CLDN18: variants seen among roughly 807,000 people sequenced by gnomAD.
CLDN18 encodes the protein claudin 18.
CLDN18 carries 20 observed loss-of-function variants against 25.0 expected under a neutral mutation model. The observed-to-expected ratio is 0.80, with a 90% CI of 0.56 to 1.16. The LOEUF (loss-of-function observed/expected upper bound fraction) is 1.16, where lower values mean the gene tolerates loss of function less well. CLDN18 is among the 50% of genes most tolerant of loss of function. The pLI is 0.00. For synonymous variants in CLDN18, 125 were observed against 135.6 expected (o/e 0.92, Z 0.54); for missense variants, 297 against 345.4 (o/e 0.86, Z 1.11).
rs748956270 is a variant in CLDN18 at position 138,010,214 on chromosome 3, G to T, written c.-12G>T. The T allele has an allele frequency of 5.0e-6, 8 of 1,609,546 alleles. No individual in the cohort carries two copies. The East Asian group carries it at 1.8e-4, about 36-fold the overall frequency. ...CAGCTTCTCGCAGGCGGCAGGGCGG[G>T]CGGCCAGGATCATGTCCACCACCAC... On this transcript the variant is annotated 5_prime_UTR_variant, in exon 1 of 5. Transcript: ENST00000183605.
At chr3:138,029,967 T>C (rs1942368181) in intron 4 of CLDN18, 60 bp downstream of exon 4, 2 of 1,096,168 alleles carry the variant, frequency 1.8e-6, no homozygotes, top group Non-Finnish European at 2.7e-6. Context: ...TATTTTAATG[T>C]ATAACTTGCA....
chr3:138,009,953 T>C, upstream of CLDN18: 1 of 445,556 alleles, frequency 2.2e-6, no homozygotes. Flanking sequence ...CAGGGAGTCC[T>C]TCTGCTCCCT....
intron 1 of CLDN18, among the ~76,000 whole-genome samples, chr3:138,021,995 C>A (rs1400048070): frequency 6.6e-6 from 1 of 152,140 alleles, no homozygotes; most frequent in African/African-American, 2.4e-5. Flanking sequence ...GCTGGGATAG[C>A]ACCTGAAACC....
chr3:138,023,919 C>G (rs1942297090), intron 2 of CLDN18, 97 bp downstream of exon 2: 1 of 1,218,776 alleles, frequency 8.2e-7, no homozygotes, highest in African/African-American at 1.5e-5. Context: ...GAATGTGGTT[C>G]AGAACTTTTC....
rs150154800 is a variant in CLDN18 at position 138,033,483 on chromosome 3, G to A, written c.*2342G>A. The A allele has an allele frequency of 2.6e-5, 4 of 152,320 alleles. No homozygotes were observed. The highest frequency in any genetic ancestry group is 7.2e-5 in the African/African-American group (3 of 41,574). The allele number at this position is 152,320 out of a possible 1,614,324, so 9.4% of individuals were successfully genotyped here. A position where few individuals can be genotyped will look rare whatever the true frequency, so the allele number is the denominator to read the frequency against. On this transcript the variant is annotated 3_prime_UTR_variant, in exon 5 of 5. Transcript: ENST00000183605. ...AGGTAGTGCGGTGTGGCTCAGCTGG[G>A]TTTTTAATTAGCGCATTCTCTATCC...
chr3:138,010,241 T>C lies in CLDN18; in HGVS notation c.16T>C (p.Cys6Arg), dbSNP rs775529414. The C allele has an allele frequency of 1.9e-6, 3 of 1,613,260 alleles. No individual in the cohort carries two copies. Among genetic ancestry groups the C allele is most frequent in the Non-Finnish European group, 2.5e-6 (3 of 1,179,780 alleles). MSTTTCQVVAFLLSIL... is the reference protein window; with the variant it reads MSTTTRQVVAFLLSIL... ...GGCCAGGATCATGTCCACCACCACA[T>C]GCCAAGTGGTGGCGTTCCTCCTGTC... Residue 6 changes from cysteine to arginine, a missense_variant, in exon 1 of 5, where the codon TGC becomes CGC. By Grantham distance (180) the Cys-to-Arg change is radical. Transcript: ENST00000183605.
In CLDN18 at chr3:138,010,378, G is replaced by T. The variant is rs768188619; in HGVS notation, c.153G>T (p.Arg51Ser). The T allele has an allele frequency of 3.5e-5, 56 of 1,614,104 alleles. No individual in the cohort carries two copies. Among genetic ancestry groups the T allele is most frequent in the Non-Finnish European group, 4.7e-5 (55 of 1,180,042 alleles). ...TSVFQYEGLW[R>S]SCVRQSSGFT... is the part of the protein sequence containing the mutation. ...TGTTCCAGTACGAAGGGCTCTGGAG[G>T]AGCTGCGTGAGGCAGAGTTCAGGCT... Residue 51 changes from arginine (R) to serine (S), a missense_variant, in exon 1 of 5, where the codon AGG becomes AGT. Physicochemically the swap from Arg to Ser is moderately radical, Grantham distance 110. Coordinates refer to ENST00000183605, the MANE Select transcript of CLDN18 (RefSeq NM_016369.4).
intron 4 of CLDN18, among the ~76,000 whole-genome samples, chr3:138,030,189 T>TC (rs900920608): frequency 2.0e-5 from 3 of 152,112 alleles, no homozygotes; most frequent in Non-Finnish European, 2.9e-5. Context: ...AGGAGCAATT[T>TC]CCCCCCCAGG....
chr3:138,001,379 C>CT (rs149993251), intron 1 of CLDN18, among the ~76,000 whole-genome samples: 124,483 of 141,180 alleles, frequency 0.88, 55,744 homozygotes, highest in South Asian at 0.97. Flanking sequence ...TCCCCCCATT[C>CT]TTTTTTTTTT....
rs1478554841 is a variant in CLDN18 at position 138,013,731 on chromosome 3, A to AT, written c.220+3287dup. 3.3e-5 allele frequency among the ~76,000 whole-genome samples: 5 copies of AT among 152,346 alleles called. No homozygotes were observed. In the East Asian group the frequency reaches 9.6e-4, roughly 29 times the overall value. On this transcript the variant is annotated intron_variant, in intron 1 of 4. Transcript: ENST00000183605. ...CACTAATTTCAGTTCTGCCAGACAGATAATTCCCTGAACATCAAATAGTCA... is the reference window on the plus strand; with the variant it reads ...CACTAATTTCAGTTCTGCCAGACAGATTAATTCCCTGAACATCAAATAGTCA...
chr3:137,998,889 G>A (rs375931549), exon 1 of CLDN18: 2 of 1,614,122 alleles, frequency 1.2e-6, no homozygotes, highest in African/African-American at 2.7e-5. Flanking sequence ...CTGCCTGTCA[G>A]GGCTTGGGGT....
At chr3:138,018,157 A>G (rs1454722747) in intron 1 of CLDN18, among the ~76,000 whole-genome samples, 3 of 152,156 alleles carry the variant, frequency 2.0e-5, no homozygotes, top group African/African-American at 7.2e-5. Flanking sequence ...AGGTTGGGTA[A>G]TGTATAAACA....
chr3:138,010,635 G>A (rs999619407), intron 1 of CLDN18, among the ~76,000 whole-genome samples, 190 bp downstream of exon 1: 4 of 152,208 alleles, frequency 2.6e-5, no homozygotes, highest in Admixed American at 2.6e-4. Context: ...AAAATGGGAG[G>A]GTTAATACTC....
In CLDN18 at chr3:138,024,107, T is replaced by G. The variant is rs527337522; in HGVS notation, c.385+285T>G. On this transcript the variant is annotated intron_variant, in intron 2 of 4. Transcript: ENST00000183605. ...AGGAGGATCACTTGAGTCCGGGAGT[T>G]CAAGACCAGCCTAGGCAGCATTGTG... Among the ~76,000 whole-genome samples the G allele has an allele frequency of 3.3e-5, 5 of 151,936 alleles. No individual in the cohort carries two copies. In the East Asian group the frequency reaches 9.7e-4, roughly 30 times the overall value.
At chr3:138,026,867 C>T (rs527520008) in intron 3 of CLDN18, among the ~76,000 whole-genome samples, 127 of 152,258 alleles carry the variant, frequency 8.3e-4, no homozygotes, top group South Asian at 4.2e-3. Context: ...GTGAATTATA[C>T]GCCAGAGTTG....
chr3:138,024,640 C>G lies in CLDN18; in HGVS notation c.419C>G (p.Ala140Gly). 1 of 1,613,450 alleles carries G rather than the reference C, an allele frequency of 6.2e-7. No homozygotes were observed. The highest frequency in any genetic ancestry group is 1.1e-5 in the South Asian group (1 of 91,060). ...LCAIAGVSVF[A>G]NMLVTNFWMS... The stretch of plus-strand genomic sequence containing the variant: ...GCAATTGCTGGAGTGTCTGTGTTTG[C>G]CAACATGCTGGTGACTAACTTCTGG... The change falls in exon 3 of 5, where the codon GCC becomes GGC. Residue 140 changes from alanine to glycine, a missense_variant. Transcript: ENST00000183605.
At chr3:138,004,990 T>C (rs577683049) in intron 1 of CLDN18, 1 of 152,152 alleles carries the variant, frequency 6.6e-6, no homozygotes, top group African/African-American at 2.4e-5. Flanking sequence ...TTATATGTTT[T>C]TTTCTAAATC....
At chr3:137,999,036 G>A in exon 1 of CLDN18, 1 of 1,614,234 alleles carries the variant, frequency 6.2e-7, no homozygotes, top group South Asian at 1.1e-5. Flanking sequence ...GTGTCCGAGA[G>A]AGCTCTGGCT....
intron 1 of CLDN18, among the ~76,000 whole-genome samples, chr3:138,013,613 A>T (rs1942166796): frequency 6.6e-6 from 1 of 152,186 alleles, no homozygotes; most frequent in Admixed American, 6.5e-5. Context: ...GAGCTGGGAG[A>T]TGTAGGAGCA....
Sources: gnomAD v4.1 joint callset for allele counts (sites outside exome capture counted in the v4.1 genomes callset) on GRCh38, gnomAD v4.1.1 for gene constraint, MANE v1.5 for transcripts, NCBI Gene and HGNC (gene_info 2026-07-23, HGNC 2026-07-21) for gene names.